Variants in ATP2C1 observed in about 807,000 individuals in gnomAD.
The protein encoded by ATP2C1 is calcium-transporting ATPase type 2C member 1.
A neutral mutation model predicts 120.5 loss-of-function variants in ATP2C1; 31 were observed. That is an observed-to-expected ratio of 0.26 (90% CI 0.19 to 0.35). ATP2C1 has a LOEUF of 0.35. Ranked by LOEUF, ATP2C1 falls within the 10% of genes least tolerant of loss-of-function variation. ATP2C1 has a pLI of 1.00. For synonymous variants in ATP2C1, 351 were observed against 358.7 expected (o/e 0.98, Z 0.24); for missense variants, 731 against 1,107.5 (o/e 0.66, Z 4.83).
rs192314766 is a variant in ATP2C1, at chr3:130,990,182, A to G, written c.1840-2769A>G. ...TTGTTCATTCATTTTATTTGTCTTT[A>G]TAGAGCGCTGTTGGTATAGGACAAA... On this transcript the variant is annotated intron_variant, in intron 20 of 27. Transcript: ENST00000510168. Among the ~76,000 whole-genome samples the G allele has an allele frequency of 5.9e-5, 9 of 151,922 alleles. No homozygotes were observed. In the East Asian group the frequency reaches 1.7e-3, roughly 29 times the overall value.
chr3:130,863,092 C>A (rs1398338970), intron 1 of ATP2C1, among the ~76,000 whole-genome samples: 4 of 150,606 alleles, frequency 2.7e-5, no homozygotes, highest in South Asian at 2.1e-4. Flanking sequence ...AAGGTGTAAC[C>A]AAAAAAAATG....
chr3:130,870,815 G>T (rs899999887), intron 1 of ATP2C1, among the ~76,000 whole-genome samples: 2 of 152,192 alleles, frequency 1.3e-5, no homozygotes, highest in African/African-American at 4.8e-5. Context: ...GGTTTGAGAG[G>T]ACTGACTCCA....
rs539503686 is a variant in ATP2C1, at chr3:130,930,780, T to C, written c.117+254T>C. ...AACTGACTTTAATTTAATTTAAATT[T>C]ATTTAAATAACTACAGGTGGCTTAG... On this transcript the variant is annotated intron_variant, in intron 3 of 27. Transcript: ENST00000510168. Among the ~76,000 whole-genome samples the C allele has an allele frequency of 3.3e-5, 5 of 152,224 alleles. No homozygotes were observed. In the South Asian group the frequency reaches 1.0e-3, roughly 32 times the overall value.
At chr3:130,891,790 T>C (rs951402852), upstream of ATP2C1, among the ~76,000 whole-genome samples, 1 of 152,202 alleles carries the variant, frequency 6.6e-6, no homozygotes, top group African/African-American at 2.4e-5. Context: ...TGAATATACA[T>C]ATATATGTGT....
chr3:131,002,841 T>G lies in ATP2C1; in HGVS notation c.*1491T>G, dbSNP rs1260768296. On this transcript the variant is annotated 3_prime_UTR_variant, in exon 28 of 28. Coordinates refer to ENST00000510168, the MANE Select transcript of ATP2C1 (RefSeq NM_001378687.1). ...AGTCATTGTTACTGAGGCAGTTGAG[T>G]GTAAGGAGCTGGCTGCAGTTTATTC... The G allele has an allele frequency of 1.0e-6, 1 of 985,648 alleles. No homozygotes were observed. The highest frequency in any genetic ancestry group is 1.2e-6 in the Non-Finnish European group (1 of 829,914). 61.1% of individuals were successfully genotyped at this position (985,648 alleles called of 1,614,324 possible). A position where few individuals can be genotyped will look rare whatever the true frequency, so the allele number is the denominator to read the frequency against.
intron 1 of ATP2C1, among the ~76,000 whole-genome samples, chr3:130,873,195 A>G (rs2068490563): frequency 6.6e-6 from 1 of 152,234 alleles, no homozygotes; most frequent in African/African-American, 2.4e-5. Context: ...AAAGGTAACT[A>G]AATAAACAGA....
At chr3:130,858,038 G>C (rs1196208757) in intron 1 of ATP2C1, among the ~76,000 whole-genome samples, 1 of 152,154 alleles carries the variant, frequency 6.6e-6, no homozygotes, top group Non-Finnish European at 1.5e-5. Context: ...ATGTTCCAGT[G>C]CAGGAAGCAT....
chr3:130,935,884 A>G (rs1473453999), intron 5 of ATP2C1, among the ~76,000 whole-genome samples: 1 of 152,218 alleles, frequency 6.6e-6, no homozygotes, highest in Non-Finnish European at 1.5e-5. Flanking sequence ...ACTCTTTTGT[A>G]TATTGAAATA....
chr3:130,900,304 T>C (rs2070046611), intron 2 of ATP2C1, among the ~76,000 whole-genome samples: 1 of 152,114 alleles, frequency 6.6e-6, no homozygotes, highest in Admixed American at 6.6e-5. Context: ...TCAAGCAGTC[T>C]TATTGCCTTG....
chr3:130,904,249 A>G (rs1187095261), intron 2 of ATP2C1, among the ~76,000 whole-genome samples: 2 of 152,034 alleles, frequency 1.3e-5, no homozygotes, highest in African/African-American at 2.4e-5. Flanking sequence ...TCACATTTAT[A>G]AACTATCCTT....
intron 2 of ATP2C1, among the ~76,000 whole-genome samples, chr3:130,918,854 T>C (rs572569147): frequency 6.6e-6 from 1 of 152,144 alleles, no homozygotes; most frequent in Admixed American, 6.5e-5. Context: ...TAGCCAGGCA[T>C]GGTGGCGGGT....
chr3:130,877,304 G>A (rs192881888), intron 1 of ATP2C1, among the ~76,000 whole-genome samples: 4 of 152,142 alleles, frequency 2.6e-5, no homozygotes, highest in Non-Finnish European at 4.4e-5. Context: ...CTTTCAATTG[G>A]GGGGATTTAA....
At chr3:130,977,497 G>T (rs1364956290) in intron 18 of ATP2C1, among the ~76,000 whole-genome samples, 1 of 152,118 alleles carries the variant, frequency 6.6e-6, no homozygotes, top group African/African-American at 2.4e-5. Flanking sequence ...CATAGCAAGA[G>T]GTTTTAAAGT....
At chr3:130,938,080 C>T (rs1018422320) in intron 6 of ATP2C1, among the ~76,000 whole-genome samples, 1 of 152,194 alleles carries the variant, frequency 6.6e-6, no homozygotes, top group Non-Finnish European at 1.5e-5. Flanking sequence ...TCTCATTCCT[C>T]CACAAAAGGG....
At chr3:130,963,672 A>G (rs2060927980) in intron 12 of ATP2C1, 1 of 381,666 alleles carries the variant, frequency 2.6e-6, no homozygotes, top group Non-Finnish European at 4.9e-6. Flanking sequence ...TGAGGACAGT[A>G]AACTACAGAG....
chr3:130,881,223 C>A (rs967487682), intron 1 of ATP2C1, among the ~76,000 whole-genome samples: 1 of 152,206 alleles, frequency 6.6e-6, no homozygotes, highest in African/African-American at 2.4e-5. Flanking sequence ...ATTTTTCCCA[C>A]AGTTTTAATT....
At chr3:130,919,820 A>T (rs2058870322) in intron 2 of ATP2C1, among the ~76,000 whole-genome samples, 1 of 152,148 alleles carries the variant, frequency 6.6e-6, no homozygotes, top group Non-Finnish European at 1.5e-5. Flanking sequence ...ACAGGATTCC[A>T]ATTTCTTCAC....
intron 20 of ATP2C1, among the ~76,000 whole-genome samples, chr3:130,989,266 A>C (rs1237484861): frequency 2.7e-5 from 4 of 149,598 alleles, no homozygotes; most frequent in South Asian, 2.1e-4. Flanking sequence ...AAAAAACAAA[A>C]AAACAAACAC....
At chr3:130,870,020 T>A (rs1332017842) in intron 1 of ATP2C1, among the ~76,000 whole-genome samples, 1 of 152,226 alleles carries the variant, frequency 6.6e-6, no homozygotes, top group Non-Finnish European at 1.5e-5. Flanking sequence ...AAGCCAATGA[T>A]GATTTATCAT....
Sources: gnomAD v4.1 joint callset for allele counts (sites outside exome capture counted in the v4.1 genomes callset) on GRCh38, gnomAD v4.1.1 for gene constraint, MANE v1.5 for transcripts, NCBI Gene and HGNC (gene_info 2026-07-23, HGNC 2026-07-21) for gene names.